Variants in OR51B5 observed in about 807,000 individuals in gnomAD.
OR51B5 encodes olfactory receptor 51B5.
For synonymous variants in OR51B5, 186 were observed against 144.8 expected (o/e 1.28, Z -2.04); for missense variants, 456 against 374.6 (o/e 1.22, Z -1.79).
At chr11:5,449,133 C>G (rs765420202) in intron 1 of OR51B5, among the ~76,000 whole-genome samples, 2 of 152,180 alleles carry the variant, frequency 1.3e-5, no homozygotes, top group African/African-American at 4.8e-5. Flanking sequence ...GAGAATTGGT[C>G]TGACAGATTG....
intron 1 of OR51B5, among the ~76,000 whole-genome samples, chr11:5,398,347 T>TGTAATTGGCCTGGTAATTACCTGG (rs1475050578): frequency 6.6e-6 from 1 of 152,226 alleles, no homozygotes; most frequent in African/African-American, 2.4e-5. Context: ...GAGAGGCTAA[T>TGTAATTGGCCTGGTAATTACCTGG]GTAATTACCT....
chr11:5,345,195 T>C (rs527338126), upstream of OR51B5, among the ~76,000 whole-genome samples: 37 of 152,286 alleles, frequency 2.4e-4, no homozygotes, highest in African/African-American at 7.2e-4. Flanking sequence ...AAAATCACAA[T>C]GGAAAATAGT....
chr11:5,417,702 T>A (rs1850264311), intron 1 of OR51B5, among the ~76,000 whole-genome samples: 1 of 151,476 alleles, frequency 6.6e-6, no homozygotes, highest in South Asian at 2.1e-4. Flanking sequence ...ATCAGAGGAA[T>A]GCAAATCAAA....
intron 1 of OR51B5, among the ~76,000 whole-genome samples, chr11:5,358,579 T>A (rs140335980): frequency 6.6e-6 from 1 of 152,188 alleles, no homozygotes. Context: ...GAGGAGCTGG[T>A]ACCATTCCCT....
At chr11:5,444,318 C>T (rs10500640) in intron 1 of OR51B5, among the ~76,000 whole-genome samples, 73,673 of 151,952 alleles carry the variant, frequency 0.48, 19,386 homozygotes, top group Non-Finnish European at 0.59. Context: ...ACATTCAAAT[C>T]GTAGGCTTTT....
chr11:5,378,282 C>T (rs1849558271), intron 1 of OR51B5, among the ~76,000 whole-genome samples: 1 of 152,032 alleles, frequency 6.6e-6, no homozygotes, highest in Admixed American at 6.6e-5. Context: ...AACTGGATCC[C>T]TTCCTTACAC....
intron 1 of OR51B5, among the ~76,000 whole-genome samples, chr11:5,464,422 A>G (rs1029344491): frequency 6.6e-5 from 10 of 151,466 alleles, no homozygotes; most frequent in South Asian, 2.1e-4. Flanking sequence ...ATATCTCCCA[A>G]TGCTATCCCT....
chr11:5,403,200 A>G (rs7929412), intron 1 of OR51B5: 71,473 of 471,072 alleles, frequency 0.15, 6,190 homozygotes, highest in Non-Finnish European at 0.19. Flanking sequence ...TATCTATGGG[A>G]TTTTCATTGT....
intron 1 of OR51B5, among the ~76,000 whole-genome samples, chr11:5,374,850 G>A (rs371358367): frequency 6.6e-6 from 1 of 152,080 alleles, no homozygotes; most frequent in Non-Finnish European, 1.5e-5. Context: ...ATCAAATCTA[G>A]GTCTGATTGG....
At chr11:5,372,780 C>A (rs1849465180) in intron 1 of OR51B5, among the ~76,000 whole-genome samples, 1 of 152,072 alleles carries the variant, frequency 6.6e-6, no homozygotes, top group South Asian at 2.1e-4. Flanking sequence ...TTTATTTTTG[C>A]TTTTGTTACC....
intron 1 of OR51B5, among the ~76,000 whole-genome samples, chr11:5,486,143 T>A (rs1851495918): frequency 9.2e-5 from 1 of 10,848 alleles, no homozygotes; most frequent in South Asian, 8.2e-3. Flanking sequence ...ATGTTTCTGT[T>A]ATTAAACCTC....
At chr11:5,373,704 C>G (rs566447172) in intron 1 of OR51B5, among the ~76,000 whole-genome samples, 23 of 152,188 alleles carry the variant, frequency 1.5e-4, no homozygotes, top group Non-Finnish European at 2.5e-4. Flanking sequence ...GAGGGTCCTA[C>G]GCCCACGGAG....
At chr11:5,425,843 T>A (rs987809976) in intron 1 of OR51B5, among the ~76,000 whole-genome samples, 1 of 152,170 alleles carries the variant, frequency 6.6e-6, no homozygotes, top group African/African-American at 2.4e-5. Context: ...TTAGTTCAAA[T>A]AGAAGCTAGC....
chr11:5,416,351 C>T (rs1268957021), intron 1 of OR51B5, among the ~76,000 whole-genome samples: 1 of 151,776 alleles, frequency 6.6e-6, no homozygotes, highest in Non-Finnish European at 1.5e-5. Context: ...GAAGCATTCC[C>T]TTTGAAAACT....
At chr11:5,488,920 A>G in intron 1 of OR51B5, 1 of 1,613,892 alleles carries the variant, frequency 6.2e-7, no homozygotes, top group Non-Finnish European at 8.5e-7. Context: ...TCTCTCACTC[A>G]CAGACCTGGC....
At chr11:5,450,344 G>A (rs1175130454) in intron 1 of OR51B5, among the ~76,000 whole-genome samples, 1 of 152,094 alleles carries the variant, frequency 6.6e-6, no homozygotes, top group Non-Finnish European at 1.5e-5. Context: ...AGCCAAGATT[G>A]CACCACTGCA....
At chr11:5,480,477 AG>A (rs1351049832) in intron 1 of OR51B5, among the ~76,000 whole-genome samples, 4 of 150,182 alleles carry the variant, frequency 2.7e-5, no homozygotes, top group Non-Finnish European at 6.0e-5. Context: ...CACATTCAAA[AG>A]CTAGCAGAAG....
At chr11:5,471,876 G>T (rs193127317) in intron 1 of OR51B5, among the ~76,000 whole-genome samples, 4 of 152,104 alleles carry the variant, frequency 2.6e-5, no homozygotes, top group Admixed American at 2.6e-4. Context: ...AACATTGAAG[G>T]TGCTTATTCA....
At chr11:5,392,998 A>G (rs534377927) in intron 1 of OR51B5, 2 of 152,388 alleles carry the variant, frequency 1.3e-5, no homozygotes, top group Admixed American at 6.5e-5. Context: ...GAATGAAAAC[A>G]TAATTTAATT....
Sources: allele counts gnomAD v4.1 joint callset (sites outside exome capture counted in the v4.1 genomes callset), GRCh38; gene constraint gnomAD v4.1.1; transcripts MANE v1.5; gene names NCBI Gene and HGNC (gene_info 2026-07-23, HGNC 2026-07-21).